Variants in CNTN6 observed in about 807,000 individuals in gnomAD.
CNTN6 encodes the protein contactin-6.
CNTN6 carries 137 observed loss-of-function variants against 122.8 expected under a neutral mutation model. That is an observed-to-expected ratio of 1.12 (90% CI 0.97 to 1.29). The LOEUF (loss-of-function observed/expected upper bound fraction) is 1.29, where lower values mean the gene tolerates loss of function less well. Among genes scored for constraint, CNTN6 ranks in the 50% most tolerant of loss-of-function variants. The probability of loss-of-function intolerance (pLI) is 0.00; values close to 1 mark genes in which losing one functional copy is unlikely to be tolerated. For synonymous variants in CNTN6, 570 were observed against 426.0 expected, an observed-to-expected ratio of 1.34 and a Z score of -4.16; for missense variants, 1,634 against 1,223.4, an observed-to-expected ratio of 1.34 and a Z score of -5.01.
At chr3:1,102,261 C>G (rs945333158) in intron 1 of CNTN6, among the ~76,000 whole-genome samples, 3 of 152,150 alleles carry the variant, frequency 2.0e-5, no homozygotes, top group Non-Finnish European at 2.9e-5. Flanking sequence ...GCTGAGCTAT[C>G]TTTCTAAATA....
intron 1 of CNTN6, among the ~76,000 whole-genome samples, chr3:1,130,308 G>C (rs1244498450): frequency 6.6e-6 from 1 of 151,950 alleles, no homozygotes; most frequent in Non-Finnish European, 1.5e-5. Context: ...CCTAGGATTT[G>C]CCACTGTAAC....
At chr3:1,267,770 T>C (rs1401124681) in intron 4 of CNTN6, among the ~76,000 whole-genome samples, 2 of 152,156 alleles carry the variant, frequency 1.3e-5, no homozygotes, top group Non-Finnish European at 2.9e-5. Flanking sequence ...CTGGGAATAA[T>C]GAATTCAACA....
chr3:1,369,381 GTTTTTT>G (rs5846111), intron 12 of CNTN6, among the ~76,000 whole-genome samples: 1 of 137,528 alleles, frequency 7.3e-6, no homozygotes, highest in Non-Finnish European at 1.6e-5. Flanking sequence ...CTTGCTGCGG[GTTTTTT>G]TTTTTTTTTT....
At chr3:1,352,233 A>G in intron 11 of CNTN6, 91 bp from the exon 12 acceptor site, 1 of 1,199,226 alleles carries the variant, frequency 8.3e-7, no homozygotes, top group South Asian at 2.0e-5. Flanking sequence ...TACACCCATG[A>G]TTTTAGTAAA....
At chr3:1,345,140 AG>A (rs776230161) in intron 11 of CNTN6, among the ~76,000 whole-genome samples, 47 of 149,442 alleles carry the variant, frequency 3.1e-4, no homozygotes, top group Non-Finnish European at 5.9e-4. Context: ...TTTTTGAGAC[AG>A]GGTCTCACTT....
At chr3:1,180,904 AG>A (rs2093542354) in intron 2 of CNTN6, among the ~76,000 whole-genome samples, 1 of 152,192 alleles carries the variant, frequency 6.6e-6, no homozygotes, top group South Asian at 2.1e-4. Flanking sequence ...ATGATCCAAA[AG>A]CATATTATTC....
chr3:1,173,245 G>A (rs142822184), intron 2 of CNTN6: 195 of 456,622 alleles, frequency 4.3e-4, no homozygotes, highest in African/African-American at 2.3e-3. Flanking sequence ...ACTGGACTTC[G>A]TCTCTGGCTT....
At chr3:1,362,495 A>G (rs9848880) in intron 12 of CNTN6, among the ~76,000 whole-genome samples, 58,050 of 151,900 alleles carry the variant, frequency 0.38, 12,305 homozygotes, top group African/African-American at 0.55. Flanking sequence ...AGAACTGACA[A>G]TTGCAAGTGC....
Position 1,300,133 on chromosome 3 carries a change from C to T in CNTN6, c.761+2142C>T, listed in dbSNP as rs56235936. Among the ~76,000 whole-genome samples the T allele has an allele frequency of 2.7e-3, 415 of 152,052 alleles. 6 individuals are homozygous for T. Among genetic ancestry groups the T allele is most frequent in the African/African-American group, 9.6e-3 (398 of 41,482 alleles). On this transcript the variant is annotated intron_variant, in intron 7 of 22. Transcript: ENST00000446702. ...CTGGGACTACAGGTGCCCGCCACCACGCTAAGCTAATTGTAATTTTTTTTT... is the reference window on the plus strand; with the variant it reads ...CTGGGACTACAGGTGCCCGCCACCATGCTAAGCTAATTGTAATTTTTTTTT...
chr3:1,396,123 G>C (rs575339418), intron 20 of CNTN6, among the ~76,000 whole-genome samples: 4 of 152,238 alleles, frequency 2.6e-5, no homozygotes, highest in African/African-American at 9.6e-5. Flanking sequence ...AGAGAATGTA[G>C]ACTAAGAAAA....
chr3:1,373,461 C>T, intron 14 of CNTN6, 143 bp from the exon 15 acceptor site: 6 of 691,100 alleles, frequency 8.7e-6, no homozygotes, highest in Non-Finnish European at 1.2e-5. Context: ...ATTAATAGAA[C>T]TTTATCGCTA....
At chr3:1,301,555 C>A (rs1466374990) in intron 7 of CNTN6, among the ~76,000 whole-genome samples, 2 of 152,026 alleles carry the variant, frequency 1.3e-5, no homozygotes. Flanking sequence ...AATTACCAAA[C>A]CATACCTCAT....
intron 7 of CNTN6, among the ~76,000 whole-genome samples, chr3:1,316,312 C>T (rs533521622): frequency 1.3e-5 from 2 of 151,928 alleles, no homozygotes; most frequent in East Asian, 1.9e-4. Flanking sequence ...AGCATAACAG[C>T]TTCTGCTTCT....
chr3:1,287,556 T>C (rs1273132045), intron 5 of CNTN6, among the ~76,000 whole-genome samples: 6 of 152,096 alleles, frequency 3.9e-5, no homozygotes, highest in Non-Finnish European at 2.9e-5. Context: ...AGCAATTCAC[T>C]CAGAAGCTGG....
intron 16 of CNTN6, among the ~76,000 whole-genome samples, chr3:1,375,755 T>A (rs976436866): frequency 2.0e-5 from 3 of 151,918 alleles, no homozygotes; most frequent in African/African-American, 7.2e-5. Flanking sequence ...TAAAAAATTA[T>A]GAAGCTTAAA....
chr3:1,352,639 A>T (rs1705834894), intron 12 of CNTN6, among the ~76,000 whole-genome samples, 188 bp downstream of exon 12: 1 of 151,792 alleles, frequency 6.6e-6, no homozygotes, highest in African/African-American at 2.4e-5. Context: ...ACCATGGTAG[A>T]TGTGAATACT....
intron 20 of CNTN6, among the ~76,000 whole-genome samples, chr3:1,393,555 T>TAAAAAAAAA (rs572632140): frequency 2.8e-5 from 3 of 107,920 alleles, no homozygotes; most frequent in Non-Finnish European, 6.0e-5. Flanking sequence ...CTTAAAGAAG[T>TAAAAAAAAA]AAAAAAAAAA....
intron 11 of CNTN6, among the ~76,000 whole-genome samples, chr3:1,345,875 A>T (rs973101629): frequency 2.0e-5 from 3 of 152,150 alleles, no homozygotes; most frequent in African/African-American, 7.2e-5. Context: ...CTACAGCATT[A>T]TCTTTAGACA....
intron 17 of CNTN6, among the ~76,000 whole-genome samples, chr3:1,377,299 A>G (rs1447371300): frequency 3.3e-5 from 5 of 152,136 alleles, no homozygotes; most frequent in Admixed American, 2.0e-4. Flanking sequence ...AATACACGAA[A>G]AACAACTTCA....
Sources: gnomAD v4.1 joint callset for allele counts (sites outside exome capture counted in the v4.1 genomes callset) on GRCh38, gnomAD v4.1.1 for gene constraint, MANE v1.5 for transcripts, NCBI Gene and HGNC (gene_info 2026-07-23, HGNC 2026-07-21) for gene names.